Variants in LRRTM4 observed in about 807,000 individuals in gnomAD.
The protein encoded by LRRTM4 is leucine-rich repeat transmembrane neuronal protein 4.
Under a neutral mutation model 47.6 loss-of-function variants are expected in LRRTM4, and 25 were observed. That is an observed-to-expected ratio of 0.53 (90% CI 0.38 to 0.73). The LOEUF (loss-of-function observed/expected upper bound fraction) is 0.73. LRRTM4 is among the 30% of genes least tolerant of loss of function. The pLI, the probability that LRRTM4 is intolerant of heterozygous loss-of-function variation, is 0.00. For synonymous variants in LRRTM4, 311 were observed against 269.5 expected, an observed-to-expected ratio of 1.15 and a Z score of -1.51; for missense variants, 638 against 713.4, an observed-to-expected ratio of 0.89 and a Z score of 1.20.
chr2:77,155,073 A>T (rs772038849), intron 3 of LRRTM4, among the ~76,000 whole-genome samples: 32 of 152,200 alleles, frequency 2.1e-4, no homozygotes, highest in Non-Finnish European at 3.7e-4. Flanking sequence ...GTCAATTCAC[A>T]TCAGAGGTCA....
At chr2:77,480,895 T>C (rs910940980) in intron 3 of LRRTM4, among the ~76,000 whole-genome samples, 1 of 149,712 alleles carries the variant, frequency 6.7e-6, no homozygotes, top group Non-Finnish European at 1.5e-5. Context: ...TTTTCTCTTT[T>C]TTCAAGTTGG....
intron 3 of LRRTM4, among the ~76,000 whole-genome samples, chr2:76,872,216 TA>T (rs1239234850): frequency 8.5e-5 from 13 of 152,160 alleles, no homozygotes; most frequent in Admixed American, 7.9e-4. Flanking sequence ...ATAGGAACAT[TA>T]AAATTTTTCA....
At chr2:77,411,448 C>CTTTT (rs1674423040) in intron 3 of LRRTM4, among the ~76,000 whole-genome samples, 2 of 129,852 alleles carry the variant, frequency 1.5e-5, no homozygotes, top group Non-Finnish European at 3.2e-5. Flanking sequence ...CTCTCTCTTT[C>CTTTT]TTCTTTTTTT....
intron 3 of LRRTM4, among the ~76,000 whole-genome samples, chr2:77,135,176 C>T (rs942230811): frequency 2.0e-5 from 3 of 152,122 alleles, no homozygotes; most frequent in East Asian, 1.9e-4. Context: ...TCAGTTCCTT[C>T]GCAGGAAATG....
At chr2:76,792,749 G>A (rs922872833) in intron 3 of LRRTM4, among the ~76,000 whole-genome samples, 6 of 151,890 alleles carry the variant, frequency 4.0e-5, no homozygotes, top group African/African-American at 1.2e-4. Context: ...GTAAATGCCA[G>A]GCGCTAAGGA....
chr2:77,183,407 C>A (rs927637628), intron 3 of LRRTM4, among the ~76,000 whole-genome samples: 2 of 151,986 alleles, frequency 1.3e-5, no homozygotes. Context: ...GTTAGAATGG[C>A]GATCATTAAA....
At chr2:77,507,658 A>C (rs1678827723) in intron 3 of LRRTM4, among the ~76,000 whole-genome samples, 1 of 152,116 alleles carries the variant, frequency 6.6e-6, no homozygotes, top group African/African-American at 2.4e-5. Context: ...AAAGAAAAGA[A>C]ATTCTAGTTA....
At chr2:77,050,108 G>A (rs1679379412) in intron 3 of LRRTM4, among the ~76,000 whole-genome samples, 4 of 145,482 alleles carry the variant, frequency 2.7e-5, no homozygotes, top group Admixed American at 2.0e-4. Context: ...GTCTGCAGAT[G>A]TGTTTTGTTA....
At chr2:77,032,681 C>T (rs1238209034) in intron 3 of LRRTM4, among the ~76,000 whole-genome samples, 3 of 151,828 alleles carry the variant, frequency 2.0e-5, no homozygotes, top group Non-Finnish European at 2.9e-5. Flanking sequence ...AGTCATAGAC[C>T]CCAGTGTTAT....
At position 77,470,940 on chromosome 2, in the gene LRRTM4, C is replaced by T. The variant is rs192143030; in HGVS notation, c.1551+47378G>A. On this transcript the variant is annotated intron_variant, in intron 3 of 3. Coordinates refer to ENST00000409884, the MANE Select transcript of LRRTM4 (RefSeq NM_001134745.3). ...CTAGTAATTTAATTTGCAGGACTCG[C>T]TATTAGGACCTCTTCTCTCTCAGTG... 4.3e-4 allele frequency among the ~76,000 whole-genome samples: 65 copies of T among 152,190 alleles called. 1 individual carries two copies. The East Asian group carries it at 9.1e-3, about 21-fold the overall frequency.
chr2:76,823,688 A>G (rs998083391), intron 3 of LRRTM4, among the ~76,000 whole-genome samples: 5 of 151,460 alleles, frequency 3.3e-5, no homozygotes, highest in African/African-American at 1.2e-4. Flanking sequence ...GTTCTTCAAC[A>G]ACAATAAACA....
chr2:77,371,201 T>G (rs1049451978), intron 3 of LRRTM4, among the ~76,000 whole-genome samples: 12 of 151,784 alleles, frequency 7.9e-5, no homozygotes, highest in African/African-American at 2.4e-4. Context: ...TAACGAATAT[T>G]ATTCTTACTA....
At chr2:76,780,290 G>A (rs1674296441) in intron 3 of LRRTM4, among the ~76,000 whole-genome samples, 1 of 152,122 alleles carries the variant, frequency 6.6e-6, no homozygotes, top group African/African-American at 2.4e-5. Flanking sequence ...TGTATTTCCT[G>A]AATCTGAACA....
intron 3 of LRRTM4, among the ~76,000 whole-genome samples, chr2:76,911,956 G>A (rs2103782353): frequency 7.5e-6 from 1 of 132,750 alleles, no homozygotes; most frequent in African/African-American, 2.7e-5. Context: ...GGGGGACAGA[G>A]TCTCGCTCTG....
At chr2:76,932,678 GTA>G (rs68110127) in intron 3 of LRRTM4, among the ~76,000 whole-genome samples, 4 of 151,296 alleles carry the variant, frequency 2.6e-5, no homozygotes, top group Non-Finnish European at 5.9e-5. Flanking sequence ...CTAAATATTT[GTA>G]TATATATGAC....
intron 3 of LRRTM4, among the ~76,000 whole-genome samples, chr2:77,438,305 A>T (rs568454365): frequency 6.6e-6 from 1 of 152,008 alleles, no homozygotes; most frequent in Non-Finnish European, 1.5e-5. Flanking sequence ...ATATTTTGAA[A>T]ATCATATTTT....
At chr2:77,169,614 G>A (rs1672989299) in intron 3 of LRRTM4, among the ~76,000 whole-genome samples, 1 of 152,112 alleles carries the variant, frequency 6.6e-6, no homozygotes, top group Non-Finnish European at 1.5e-5. Flanking sequence ...ATAAAACAAT[G>A]AAATTTGACC....
intron 3 of LRRTM4, among the ~76,000 whole-genome samples, chr2:77,073,933 T>A (rs1680247658): frequency 6.6e-6 from 1 of 152,210 alleles, no homozygotes; most frequent in Admixed American, 6.5e-5. Context: ...ATTTAATAAA[T>A]TTAATTTTAC....
chr2:77,167,636 G>C (rs1353123297), intron 3 of LRRTM4, among the ~76,000 whole-genome samples: 7 of 152,296 alleles, frequency 4.6e-5, no homozygotes, highest in African/African-American at 1.2e-4. Context: ...AAAATGATGA[G>C]TTCATGCCCT....
Sources: gnomAD v4.1 joint callset for allele counts (sites outside exome capture counted in the v4.1 genomes callset) on GRCh38, gnomAD v4.1.1 for gene constraint, MANE v1.5 for transcripts, NCBI Gene and HGNC (gene_info 2026-07-23, HGNC 2026-07-21) for gene names.